The following TMEM43 variants were observed in gnomAD, a reference collection of about 807,000 sequenced individuals.
TMEM43 encodes the protein transmembrane protein 43, also known as arrhythmogenic right ventricular dysplasia 5.
In TMEM43, 45 loss-of-function variants were observed where a neutral mutation model predicts 49.6. The observed-to-expected ratio is 0.91, with a 90% confidence interval of 0.71 to 1.16. The LOEUF (loss-of-function observed/expected upper bound fraction) is 1.16. TMEM43 is among the 50% of genes most tolerant of loss of function. The pLI is 0.00. For missense variants in TMEM43, 532 were observed against 516.6 expected, an observed-to-expected ratio of 1.03 and a Z score of -0.29; for synonymous variants, 199 against 207.8, an observed-to-expected ratio of 0.96 and a Z score of 0.36.
At chr3:14,135,101 C>A in intron 8 of TMEM43, 57 bp from the exon 9 acceptor site, 1 of 1,554,334 alleles carries the variant, frequency 6.4e-7, no homozygotes. Flanking sequence ...CATCCTGGAC[C>A]TGGGCCTGGG....
intron 9 of TMEM43, 84 bp from the exon 10 acceptor site, chr3:14,135,723 A>G: frequency 1.7e-6 from 2 of 1,188,588 alleles, no homozygotes; most frequent in Non-Finnish European, 2.5e-6. Context: ...GCCGGCACCC[A>G]GTCCCGGGAG....
chr3:14,135,335 T>C (rs973832397), intron 9 of TMEM43, 103 bp downstream of exon 9: 1 of 965,880 alleles, frequency 1.0e-6, no homozygotes, highest in Non-Finnish European at 1.6e-6. Flanking sequence ...CCCTTTTCCC[T>C]GGGGAAAGGC....
intron 10 of TMEM43, among the ~76,000 whole-genome samples, chr3:14,136,166 T>A (rs1384571904): frequency 6.6e-6 from 1 of 152,182 alleles, no homozygotes; most frequent in Non-Finnish European, 1.5e-5. Context: ...AAACACAGAA[T>A]CTATTTATGT....
intron 10 of TMEM43, among the ~76,000 whole-genome samples, chr3:14,136,349 G>A (rs1361961679): frequency 6.6e-6 from 1 of 152,194 alleles, no homozygotes; most frequent in East Asian, 1.9e-4. Flanking sequence ...AGTCTGTCAT[G>A]AACCCTCAGT....
chr3:14,135,077 G>A, intron 8 of TMEM43, 81 bp from the exon 9 acceptor site: 1 of 1,494,544 alleles, frequency 6.7e-7, no homozygotes, highest in South Asian at 1.1e-5. Flanking sequence ...AGAGCCTGAG[G>A]GGCGTAGCCG....
chr3:14,130,752 C>T (rs1260731644), intron 2 of TMEM43, 70 bp from the exon 3 acceptor site: 12 of 1,579,114 alleles, frequency 7.6e-6, no homozygotes, highest in African/African-American at 1.3e-5. Context: ...TACCCTAATA[C>T]TTTGCAACAA....
In TMEM43 at chr3:14,139,187, T is replaced by A; in HGVS notation, c.890T>A (p.Phe297Tyr). 6.2e-7 allele frequency: 1 copy of A among 1,613,778 alleles called. No individual in the cohort carries two copies. Among genetic ancestry groups the A allele is most frequent in the East Asian group, 2.2e-5 (1 of 44,880 alleles). The change falls in exon 11 of 12, where the codon TTT becomes TAT. Residue 297 changes from phenylalanine (F) to tyrosine (Y), a missense_variant. Physicochemically the swap from Phe to Tyr is conservative, Grantham distance 22. Transcript: ENST00000306077. ...CCCCACCTTGTCCTGCAGGAGGTGTTTCATAGAGAACTAAGGAGCAACTCC... is the reference window on the plus strand; with the variant it reads ...CCCCACCTTGTCCTGCAGGAGGTGTATCATAGAGAACTAAGGAGCAACTCC... Reference protein sequence around the residue: ...HHGDFSAEEVFHRELRSNSMK... With the variant: ...HHGDFSAEEVYHRELRSNSMK...
chr3:14,135,677 G>C, intron 9 of TMEM43, 130 bp from the exon 10 acceptor site: 1 of 691,588 alleles, frequency 1.4e-6, no homozygotes, highest in Non-Finnish European at 2.5e-6. Context: ...GATGTATAGA[G>C]AGAGAAGCCC....
chr3:14,141,668 T>C lies in TMEM43; in HGVS notation c.1076T>C (p.Leu359Pro). Residue 359 changes from leucine to proline, a missense_variant, in exon 12 of 12, where the codon CTG (leucine) becomes CCG (proline). By Grantham distance (98) the Leu-to-Pro change is moderately conservative. Coordinates refer to ENST00000306077, the MANE Select transcript of TMEM43 (RefSeq NM_024334.3). ...KAFAFCVATS[L>P]TLLTVAAGWL... ...TTTGCCTTCTGTGTGGCCACCTCGC[T>C]GACCCTGCTGACCGTGGCGGCTGGC... 6.2e-7 allele frequency: 1 copy of C among 1,614,230 alleles called. No homozygotes were observed. The highest frequency in any genetic ancestry group is 2.2e-5 in the East Asian group (1 of 44,880).
chr3:14,132,419 A>G (rs1430208760), intron 4 of TMEM43, 127 bp from the exon 5 acceptor site: 4 of 917,288 alleles, frequency 4.4e-6, no homozygotes, highest in Non-Finnish European at 5.3e-6. Context: ...TGGTGTAGAG[A>G]AGGCATCTGC....
intron 1 of TMEM43, 30 bp downstream of exon 1, chr3:14,125,235 C>G (rs1339317680): frequency 6.3e-7 from 1 of 1,597,206 alleles, no homozygotes. Context: ...CCGGGCCACA[C>G]CCAGGCTTCC....
At position 14,141,467 on chromosome 3, in the gene TMEM43, A is replaced by G. The variant is rs995253441; in HGVS notation, c.1001-126A>G. 3 of 934,448 alleles carry G rather than the reference A, an allele frequency of 3.2e-6. No individual in the cohort carries two copies. In the African/African-American group the frequency reaches 4.9e-5, roughly 15 times the overall value. 57.9% of individuals were successfully genotyped at this position (934,448 alleles called of 1,614,324 possible). A position where few individuals can be genotyped will look rare whatever the true frequency, so the allele number is the denominator to read the frequency against. On this transcript the variant is annotated intron_variant, in intron 11 of 11. Transcript: ENST00000306077. ...GAACGAAGCTCCTTGCCTTCCACCCACTGATCCTCTCCCCTCCTCATGCAT... is the reference window on the plus strand; with the variant it reads ...GAACGAAGCTCCTTGCCTTCCACCCGCTGATCCTCTCCCCTCCTCATGCAT...
intron 11 of TMEM43, among the ~76,000 whole-genome samples, 200 bp downstream of exon 11, chr3:14,139,497 G>A (rs1303060472): frequency 6.6e-6 from 1 of 152,218 alleles, no homozygotes; most frequent in Non-Finnish European, 1.5e-5. Flanking sequence ...GGAGCTGCCA[G>A]GGGCCAGGCT....
At chr3:14,130,613 G>A (rs533328960) in intron 2 of TMEM43, among the ~76,000 whole-genome samples, 57 of 152,244 alleles carry the variant, frequency 3.7e-4, no homozygotes, top group African/African-American at 1.3e-3. Context: ...GAACCAATGG[G>A]GCAGTAGGAA....
chr3:14,127,941 C>T (rs1695040624), intron 1 of TMEM43, among the ~76,000 whole-genome samples: 1 of 152,180 alleles, frequency 6.6e-6, no homozygotes, highest in African/African-American at 2.4e-5. Context: ...TGACTTTTGT[C>T]AGCTCACCCC....
Position 14,131,648 on chromosome 3 carries a change from C to T in TMEM43, c.366C>T (p.Tyr122=), listed in dbSNP as rs2124987907. 3 of 1,614,004 alleles carry T rather than the reference C, an allele frequency of 1.9e-6. No homozygotes were observed. The highest frequency in any genetic ancestry group is 2.5e-6 in the Non-Finnish European group (3 of 1,179,944). Residue 122 remains tyrosine (Y), a synonymous_variant, in exon 4 of 12, where the codon TAC becomes TAT. Coordinates refer to ENST00000306077, the MANE Select transcript of TMEM43 (RefSeq NM_024334.3). ...AVKLRRHVEM[Y]QWVETEESRE... ...AACTGCGGAGGCACGTGGAGATGTA[C>T]CAATGGGTAGAAACTGAGGAGTCCA... is the stretch of plus-strand genomic sequence containing the variant.
intron 1 of TMEM43, among the ~76,000 whole-genome samples, chr3:14,125,588 G>T (rs1695008236): frequency 6.6e-6 from 1 of 152,192 alleles, no homozygotes; most frequent in Admixed American, 6.5e-5. Flanking sequence ...CAGAGAGGGC[G>T]CCAGTCCCTT....
At chr3:14,125,340 C>T (rs1160985557) in intron 1 of TMEM43, 135 bp downstream of exon 1, 7 of 1,089,608 alleles carry the variant, frequency 6.4e-6, no homozygotes, top group African/African-American at 3.1e-5. Flanking sequence ...CTCTGCTCGC[C>T]GTGTCTGTGC....
chr3:14,135,770 G>T (rs751999157), intron 9 of TMEM43, 37 bp from the exon 10 acceptor site: 1 of 1,578,504 alleles, frequency 6.3e-7, no homozygotes, highest in South Asian at 1.1e-5. Flanking sequence ...TCTCCCGCTG[G>T]TCACCCCTCA....
Sources: gnomAD v4.1 joint callset for allele counts (sites outside exome capture counted in the v4.1 genomes callset) on GRCh38, gnomAD v4.1.1 for gene constraint, MANE v1.5 for transcripts, NCBI Gene and HGNC (gene_info 2026-07-23, HGNC 2026-07-21) for gene names.